The following SLC30A8 variants were observed in gnomAD, a reference collection of about 807,000 sequenced individuals.
SLC30A8 encodes proton-coupled zinc antiporter SLC30A8.
In SLC30A8, 27 loss-of-function variants were observed where a neutral mutation model predicts 36.9. The observed-to-expected ratio is 0.73, with a 90% CI of 0.54 to 1.01. SLC30A8 has a LOEUF of 1.01. Ranked by LOEUF, SLC30A8 falls within the 50% of genes least tolerant of loss-of-function variation. SLC30A8 has a pLI of 0.00. For synonymous variants in SLC30A8, 164 were observed against 172.4 expected (o/e 0.95, Z 0.38); for missense variants, 439 against 452.0 (o/e 0.97, Z 0.26).
chr8:116,975,045 GA>G (rs1298162333), intron 1 of SLC30A8, among the ~76,000 whole-genome samples: 1 of 101,026 alleles, frequency 9.9e-6, no homozygotes, highest in African/African-American at 3.7e-5. Context: ...GGGGTGGGGG[GA>G]GGGGGGAGGG....
chr8:117,165,270 A>G (rs528485052), intron 6 of SLC30A8, among the ~76,000 whole-genome samples: 20 of 152,118 alleles, frequency 1.3e-4, no homozygotes, highest in Non-Finnish European at 2.4e-4. Flanking sequence ...AAATGGCATT[A>G]TGTCTAGAAC....
chr8:117,058,510 AC>A (rs1318917778), intron 2 of SLC30A8, among the ~76,000 whole-genome samples: 1 of 151,992 alleles, frequency 6.6e-6, no homozygotes, highest in Non-Finnish European at 1.5e-5. Flanking sequence ...TGACCTAATC[AC>A]CTTCCCAAAA....
chr8:117,096,679 A>G (rs1345649822), intron 2 of SLC30A8, among the ~76,000 whole-genome samples: 1 of 152,190 alleles, frequency 6.6e-6, no homozygotes, highest in Non-Finnish European at 1.5e-5. Context: ...CACCAGTTTA[A>G]ACCCTCATCA....
intron 1 of SLC30A8, among the ~76,000 whole-genome samples, chr8:116,961,735 C>T (rs1204404836): frequency 6.6e-6 from 1 of 151,940 alleles, no homozygotes; most frequent in Admixed American, 6.6e-5. Flanking sequence ...ATGCTATGTC[C>T]TGACTTGCTA....
At chr8:117,079,989 T>G (rs1252473930) in intron 2 of SLC30A8, among the ~76,000 whole-genome samples, 2 of 152,206 alleles carry the variant, frequency 1.3e-5, no homozygotes, top group Non-Finnish European at 2.9e-5. Context: ...ACTCTGCACT[T>G]GGTGTACATT....
chr8:117,105,761 A>G (rs1819966695), intron 2 of SLC30A8, among the ~76,000 whole-genome samples: 1 of 152,172 alleles, frequency 6.6e-6, no homozygotes, highest in African/African-American at 2.4e-5. Context: ...GATGTTAAAC[A>G]CGTCTACAAA....
intron 1 of SLC30A8, among the ~76,000 whole-genome samples, chr8:117,028,953 A>G (rs1214533151): frequency 6.6e-6 from 1 of 152,140 alleles, no homozygotes; most frequent in Non-Finnish European, 1.5e-5. Flanking sequence ...TTAATGAGCA[A>G]ATAATGTCAA....
intron 6 of SLC30A8, among the ~76,000 whole-genome samples, chr8:117,165,833 A>G (rs775879942): frequency 3.3e-5 from 5 of 152,234 alleles, no homozygotes; most frequent in Non-Finnish European, 4.4e-5. Context: ...TTGCAGAAAC[A>G]TGGATGGAAC....
intron 3 of SLC30A8, among the ~76,000 whole-genome samples, chr8:117,153,577 G>T (rs1330677604): frequency 6.6e-6 from 1 of 152,162 alleles, no homozygotes; most frequent in Non-Finnish European, 1.5e-5. Context: ...TGAATATCTT[G>T]CTCGCTCAAT....
intron 1 of SLC30A8, among the ~76,000 whole-genome samples, chr8:116,975,048 G>C (rs190402301): frequency 2.9e-5 from 3 of 103,164 alleles, no homozygotes; most frequent in Non-Finnish European, 5.5e-5. Context: ...GTGGGGGGAG[G>C]GGGGAGGGAT....
chr8:117,111,818 G>A (rs1563604507), intron 2 of SLC30A8, among the ~76,000 whole-genome samples: 1 of 152,052 alleles, frequency 6.6e-6, no homozygotes, highest in South Asian at 2.1e-4. Flanking sequence ...CATGGTTTGA[G>A]GTAACTGTGC....
upstream of SLC30A8, among the ~76,000 whole-genome samples, chr8:117,132,641 G>A (rs922126794): frequency 1.3e-5 from 2 of 152,022 alleles, no homozygotes; most frequent in African/African-American, 4.8e-5. Context: ...TGCTGCTTGT[G>A]GAGCCCAGTT....
chr8:117,119,421 AGGGTTTTGGCTGCTG>A (rs112206932), intron 2 of SLC30A8, among the ~76,000 whole-genome samples: 8,603 of 151,986 alleles, frequency 0.057, 654 homozygotes, highest in African/African-American at 0.17. Context: ...GGCCAATGCC[AGGGTTTTGGCTGCTG>A]AAGTAACCTC....
intron 1 of SLC30A8, among the ~76,000 whole-genome samples, chr8:116,953,142 A>G (rs1814055255): frequency 6.6e-6 from 1 of 152,172 alleles, no homozygotes; most frequent in South Asian, 2.1e-4. Flanking sequence ...TTCTGTTCCT[A>G]TGTCAATTTG....
intron 1 of SLC30A8, among the ~76,000 whole-genome samples, chr8:116,980,949 T>G (rs1438100692): frequency 6.6e-6 from 1 of 152,250 alleles, no homozygotes; most frequent in East Asian, 1.9e-4. Context: ...TAATTACTAT[T>G]GCTGCATAAC....
chr8:116,979,650 C>T (rs774050486), intron 1 of SLC30A8, among the ~76,000 whole-genome samples: 20 of 152,178 alleles, frequency 1.3e-4, no homozygotes, highest in Admixed American at 3.3e-4. Context: ...TGCCAAAGGC[C>T]ATGGAGGCAC....
intron 2 of SLC30A8, among the ~76,000 whole-genome samples, chr8:117,043,284 C>T (rs1489679540): frequency 6.6e-6 from 1 of 152,200 alleles, no homozygotes; most frequent in African/African-American, 2.4e-5. Context: ...ACATTGGATC[C>T]AGACCCTCCA....
At chr8:116,999,716 T>C (rs1815943451) in intron 1 of SLC30A8, among the ~76,000 whole-genome samples, 1 of 152,190 alleles carries the variant, frequency 6.6e-6, no homozygotes, top group African/African-American at 2.4e-5. Context: ...AGTATCCCAC[T>C]TCACACCATA....
intron 1 of SLC30A8, among the ~76,000 whole-genome samples, chr8:116,970,736 C>T (rs1479099573): frequency 1.3e-5 from 2 of 152,140 alleles, no homozygotes; most frequent in African/African-American, 4.8e-5. Flanking sequence ...TATATAAAAT[C>T]ACTTAGAACA....
Sources: allele counts gnomAD v4.1 joint callset (sites outside exome capture counted in the v4.1 genomes callset), GRCh38; gene constraint gnomAD v4.1.1; transcripts MANE v1.5; gene names NCBI Gene and HGNC (gene_info 2026-07-23, HGNC 2026-07-21).